MYCBP2: variants seen among roughly 807,000 people sequenced by gnomAD.
The protein encoded by MYCBP2 is MYC binding protein 2, also known as E3 ubiquitin-protein ligase MYCBP2.
In MYCBP2, 120 loss-of-function variants were observed where a neutral mutation model predicts 525.3. The ratio of observed to expected loss-of-function variants is 0.23; its 90% CI spans 0.20 to 0.27. MYCBP2 has a LOEUF of 0.27. Ranked by LOEUF, MYCBP2 falls within the 10% of genes least tolerant of loss-of-function variation. The probability of loss-of-function intolerance (pLI) is 1.00; values close to 1 mark genes in which losing one functional copy is unlikely to be tolerated. For missense variants in MYCBP2, 4,149 were observed against 5,657.1 expected (o/e 0.73, Z 8.55); for synonymous variants, 1,894 against 1,955.8 (o/e 0.97, Z 0.83).
rs189597346 is a variant in MYCBP2 at position 77,078,432 on chromosome 13, A to G, written c.11484+392T>C. Among the ~76,000 whole-genome samples the G allele has an allele frequency of 2.6e-5, 4 of 152,330 alleles. No homozygotes were observed. The East Asian group carries it at 5.8e-4, about 22-fold the overall frequency. Reference sequence around the variant, plus strand: ...GCAACCTGGATATAGCTGCAGTGTTATAAGTGTTATAACAGACAGATTTTT... The same window carrying G: ...GCAACCTGGATATAGCTGCAGTGTTGTAAGTGTTATAACAGACAGATTTTT... On this transcript the variant is annotated intron_variant, in intron 66 of 82. Transcript: ENST00000544440.
At chr13:77,089,767 T>A (rs565161315) in intron 60 of MYCBP2, among the ~76,000 whole-genome samples, 1 of 152,100 alleles carries the variant, frequency 6.6e-6, no homozygotes, top group South Asian at 2.1e-4. Flanking sequence ...GAGATAACTG[T>A]GAATGTGTAC....
intron 4 of MYCBP2, among the ~76,000 whole-genome samples, chr13:77,274,774 A>G (rs897642368): frequency 1.3e-5 from 2 of 152,192 alleles, no homozygotes; most frequent in Non-Finnish European, 2.9e-5. Flanking sequence ...TTTTGCCCCA[A>G]TAGCCAGGGA....
intron 62 of MYCBP2, 58 bp downstream of exon 62, chr13:77,087,426 A>C: frequency 7.3e-7 from 1 of 1,362,064 alleles, no homozygotes; most frequent in Non-Finnish European, 1.0e-6. Context: ...GGACTATTTG[A>C]AGGTATACTA....
intron 30 of MYCBP2, among the ~76,000 whole-genome samples, chr13:77,186,737 G>C (rs2060757557): frequency 6.6e-6 from 1 of 151,432 alleles, no homozygotes; most frequent in Non-Finnish European, 1.5e-5. Flanking sequence ...GAATCTCAAA[G>C]CAGAGCACTT....
chr13:77,153,801 T>C (rs980268007), intron 46 of MYCBP2, among the ~76,000 whole-genome samples: 2 of 152,148 alleles, frequency 1.3e-5, no homozygotes, highest in Non-Finnish European at 2.9e-5. Context: ...AAATGTCCTA[T>C]GTACCCTTCA....
At chr13:77,103,703 A>G (rs1341852683) in intron 55 of MYCBP2, among the ~76,000 whole-genome samples, 2 of 151,956 alleles carry the variant, frequency 1.3e-5, no homozygotes, top group South Asian at 2.1e-4. Context: ...TACTTATATT[A>G]CTTATATTAC....
chr13:77,263,535 G>T, intron 10 of MYCBP2, 116 bp downstream of exon 10: 1 of 769,144 alleles, frequency 1.3e-6, no homozygotes, highest in Non-Finnish European at 2.0e-6. Flanking sequence ...AATAGTAACA[G>T]ACACAAAATA....
intron 21 of MYCBP2, among the ~76,000 whole-genome samples, chr13:77,213,941 A>T (rs547056460): frequency 2.6e-5 from 4 of 152,372 alleles, no homozygotes; most frequent in Non-Finnish European, 4.4e-5. Flanking sequence ...TGCAAACCTG[A>T]GCATGTGCAA....
intron 52 of MYCBP2, among the ~76,000 whole-genome samples, chr13:77,130,663 G>A (rs1453343163): frequency 6.6e-6 from 1 of 151,992 alleles, no homozygotes; most frequent in African/African-American, 2.4e-5. Context: ...TATGTTTTAG[G>A]GGAAAAATGT....
At chr13:77,076,666 C>A in intron 68 of MYCBP2, 85 bp downstream of exon 68, 1 of 782,540 alleles carries the variant, frequency 1.3e-6, no homozygotes, top group Non-Finnish European at 2.0e-6. Context: ...ACATATCCAT[C>A]AAAATATACA....
In MYCBP2 at chr13:77,125,431, T is replaced by G; in HGVS notation, c.7922A>C (p.Gln2641Pro). Residue 2641 changes from glutamine to proline, a missense_variant, in exon 54 of 83, where the codon CAG becomes CCG. Gln to Pro is a moderately conservative substitution (Grantham distance 76). Around this residue, in one of 21 missense-constraint regions of MYCBP2, gnomAD observed 653 missense variants for 744.7 expected, o/e 0.88. Coordinates refer to ENST00000544440, the MANE Select transcript of MYCBP2 (RefSeq NM_015057.5). The part of the protein sequence containing the change: ...NSEGTWVQLD[Q>P]NSMVEFCESD... ...CTCACAGAACTCTACCATGCTGTTCTGATCCAGTTGCACCCATGTCCCTTC... is the reference window on the plus strand; with the variant it reads ...CTCACAGAACTCTACCATGCTGTTCGGATCCAGTTGCACCCATGTCCCTTC... The G allele has an allele frequency of 6.2e-7, 1 of 1,614,004 alleles. No homozygotes were observed. Among genetic ancestry groups the G allele is most frequent in the Non-Finnish European group, 8.5e-7 (1 of 1,179,872 alleles).
In MYCBP2 at chr13:77,295,175, G is replaced by A. The variant is rs573578871; in HGVS notation, c.378+1424C>T. Among the ~76,000 whole-genome samples, 18 of 152,024 alleles carry A rather than the reference G, an allele frequency of 1.2e-4. No homozygotes were observed. In the South Asian group the frequency reaches 2.1e-3, roughly 18 times the overall value. On this transcript the variant is annotated intron_variant, in intron 2 of 82. Coordinates refer to ENST00000544440, the MANE Select transcript of MYCBP2 (RefSeq NM_015057.5). ...TTTTGAGACGGAGTCTTACTCTGTC[G>A]CCAGGCTGGAGTGCAGTGGTGCGAT... is the stretch of plus-strand genomic sequence containing the variant.
chr13:77,234,212 T>C (rs73545874), intron 17 of MYCBP2, among the ~76,000 whole-genome samples: 3,439 of 152,062 alleles, frequency 0.023, 129 homozygotes, highest in African/African-American at 0.079. Flanking sequence ...AGAACTATAG[T>C]TTCCTTGAGT....
intron 1 of MYCBP2, among the ~76,000 whole-genome samples, chr13:77,316,042 T>C (rs1218769047): frequency 6.6e-6 from 1 of 152,012 alleles, no homozygotes; most frequent in Non-Finnish European, 1.5e-5. Context: ...GTAAGATTAA[T>C]TTGTAGTTGT....
intron 1 of MYCBP2, among the ~76,000 whole-genome samples, chr13:77,316,696 T>A (rs1294572470): frequency 6.9e-6 from 1 of 144,582 alleles, no homozygotes; most frequent in African/African-American, 2.4e-5. Context: ...TATCAACAAC[T>A]CTTCTCTACT....
Position 77,045,267 on chromosome 13 carries a change from CAT to C in MYCBP2, c.*109_*110del. On this transcript the variant is annotated 3_prime_UTR_variant, in exon 83 of 83. Transcript: ENST00000544440. ...TCTTGCACTGTGAATGGTTCATTTT[CAT>C]GGATGTAAAAATGGTCCCGTCCTTA... 2 of 630,928 alleles carry C rather than the reference CAT, an allele frequency of 3.2e-6. No individual in the cohort carries two copies. The highest frequency in any genetic ancestry group is 5.6e-6 in the Non-Finnish European group (2 of 356,764). The allele number at this position is 630,928 out of a possible 1,614,324, so 39.1% of individuals were successfully genotyped here.
At chr13:77,269,836 T>C (rs1425884447) in intron 7 of MYCBP2, among the ~76,000 whole-genome samples, 156 bp downstream of exon 7, 1 of 152,196 alleles carries the variant, frequency 6.6e-6, no homozygotes, top group East Asian at 1.9e-4. Flanking sequence ...TCTGAGACAG[T>C]GTTCTTTACG....
At chr13:77,200,435 T>C (rs55722951) in intron 26 of MYCBP2, among the ~76,000 whole-genome samples, 11,099 of 151,514 alleles carry the variant, frequency 0.073, 673 homozygotes, top group African/African-American at 0.16. Flanking sequence ...CTGAAAGTGA[T>C]GGGGAGAATG....
intron 2 of MYCBP2, among the ~76,000 whole-genome samples, chr13:77,288,780 C>G (rs2077160724): frequency 6.6e-6 from 1 of 152,110 alleles, no homozygotes. Context: ...ATTTTGAATG[C>G]TTTTAAAAGT....
Sources: allele counts gnomAD v4.1 joint callset (sites outside exome capture counted in the v4.1 genomes callset), GRCh38; gene constraint gnomAD v4.1.1; regional missense constraint gnomAD v4.1.1; transcripts MANE v1.5; gene names NCBI Gene and HGNC (gene_info 2026-07-23, HGNC 2026-07-21).